CADM1: variants seen among roughly 807,000 people sequenced by gnomAD.
CADM1 encodes the protein TSLC-1.
Under a neutral mutation model 53.1 loss-of-function variants are expected in CADM1, and 15 were observed. The ratio of observed to expected loss-of-function variants is 0.28; its 90% confidence interval spans 0.19 to 0.44. CADM1 has a LOEUF of 0.44. Among genes scored for constraint, CADM1 ranks in the 20% least tolerant of loss-of-function variants. CADM1 has a pLI of 1.00. For missense variants in CADM1, 434 were observed against 611.3 expected (o/e 0.71, Z 3.06); for synonymous variants, 281 against 243.0 (o/e 1.16, Z -1.45).
chr11:115,191,064 A>G, intron 9 of CADM1, 123 bp from the exon 10 acceptor site: 4 of 763,176 alleles, frequency 5.2e-6, no homozygotes, highest in Non-Finnish European at 8.7e-6. Context: ...TATGTTTTTG[A>G]TAGCATGAAT....
At chr11:115,361,217 A>G (rs537043252) in intron 1 of CADM1, among the ~76,000 whole-genome samples, 2 of 152,302 alleles carry the variant, frequency 1.3e-5, no homozygotes, top group Admixed American at 6.5e-5. Flanking sequence ...TTGTCTGTGA[A>G]ATCTCATTAG....
intron 10 of CADM1, among the ~76,000 whole-genome samples, chr11:115,185,533 GTTT>G (rs577703486): frequency 1.3e-5 from 2 of 152,110 alleles, no homozygotes; most frequent in Non-Finnish European, 2.9e-5. Flanking sequence ...AGTGTTTTGG[GTTT>G]TTTCTTGTTG....
At chr11:115,177,221 C>T (rs1939077689) in intron 11 of CADM1, among the ~76,000 whole-genome samples, 1 of 152,194 alleles carries the variant, frequency 6.6e-6, no homozygotes, top group Non-Finnish European at 1.5e-5. Context: ...TGGGATCTGT[C>T]TTAATGAGCA....
chr11:115,178,300 CT>C (rs141170733), intron 11 of CADM1, among the ~76,000 whole-genome samples: 2,337 of 152,214 alleles, frequency 0.015, 29 homozygotes, highest in Non-Finnish European at 0.021. Context: ...CATGTTTATC[CT>C]TTGCGGCTTC....
At chr11:115,233,653 A>G (rs1041341025) in intron 3 of CADM1, among the ~76,000 whole-genome samples, 3 of 152,248 alleles carry the variant, frequency 2.0e-5, no homozygotes, top group African/African-American at 7.2e-5. Context: ...ATAAGAAAAA[A>G]TGAAAACAAC....
chr11:115,485,748 C>A (rs1949359220), intron 1 of CADM1, among the ~76,000 whole-genome samples: 2 of 152,210 alleles, frequency 1.3e-5, no homozygotes, highest in African/African-American at 4.8e-5. Flanking sequence ...TTTATATAAA[C>A]TACCCAGTTT....
chr11:115,171,797 C>G lies in CADM1; in HGVS notation c.*4677G>C, dbSNP rs1938799395. 1 of 152,160 alleles carries G rather than the reference C, an allele frequency of 6.6e-6. No individual in the cohort carries two copies. The highest frequency in any genetic ancestry group is 6.5e-5 in the Admixed American group (1 of 15,276). The allele number at this position is 152,160 out of a possible 1,614,324, so 9.4% of individuals were successfully genotyped here. The stretch of plus-strand genomic sequence containing the variant: ...ACTAAACATACTGCATGCCACGTGG[C>G]TTGGAATAAGTCTGCTAATGAATGG... On this transcript the variant is annotated 3_prime_UTR_variant, in exon 12 of 12. Transcript: ENST00000331581.
At chr11:115,305,981 T>C (rs1056888556) in intron 1 of CADM1, among the ~76,000 whole-genome samples, 3 of 149,750 alleles carry the variant, frequency 2.0e-5, no homozygotes, top group African/African-American at 7.4e-5. Context: ...ATAGAATTCC[T>C]ACACATTTTC....
intron 1 of CADM1, among the ~76,000 whole-genome samples, chr11:115,306,753 G>C (rs35086094): frequency 0.016 from 2,414 of 152,028 alleles, 71 homozygotes; most frequent in African/African-American, 0.053. Flanking sequence ...TAATACAAGG[G>C]AAATTTCTGG....
In CADM1 at chr11:115,176,312, A is replaced by C; in HGVS notation, c.*162T>G. The C allele has an allele frequency of 7.6e-7, 1 of 1,308,868 alleles. No homozygotes were observed. The highest frequency in any genetic ancestry group is 1.0e-6 in the Non-Finnish European group (1 of 977,676). 81.1% of individuals were successfully genotyped at this position (1,308,868 alleles called of 1,614,324 possible). A position where few individuals can be genotyped will look rare whatever the true frequency, so the allele number is the denominator to read the frequency against. Reference sequence around the variant, plus strand: ...CAGCAGAGTGTACTTTCCAAAGAACATTTTTTTTTTTTTTACACAGCAAAT... The same window carrying C: ...CAGCAGAGTGTACTTTCCAAAGAACCTTTTTTTTTTTTTTACACAGCAAAT... On this transcript the variant is annotated 3_prime_UTR_variant, in exon 12 of 12. Coordinates refer to ENST00000331581, the MANE Select transcript of CADM1 (RefSeq NM_001301043.2).
intron 1 of CADM1, among the ~76,000 whole-genome samples, chr11:115,286,193 G>A (rs1236390281): frequency 4.6e-5 from 7 of 152,200 alleles, no homozygotes; most frequent in South Asian, 2.1e-4. Flanking sequence ...ATTGCTACTC[G>A]TTATATGCAC....
At chr11:115,283,733 G>A (rs1943646699) in intron 1 of CADM1, among the ~76,000 whole-genome samples, 3 of 152,200 alleles carry the variant, frequency 2.0e-5, no homozygotes, top group Non-Finnish European at 2.9e-5. Flanking sequence ...CAGACATTCA[G>A]GGCAAAGTGG....
intron 7 of CADM1, among the ~76,000 whole-genome samples, chr11:115,211,654 AT>A (rs368847838): frequency 2.1e-3 from 277 of 128,936 alleles, no homozygotes; most frequent in Middle Eastern, 4.2e-3. Context: ...TAATTTTTGT[AT>A]TTTTTTTTTT....
intron 1 of CADM1, among the ~76,000 whole-genome samples, chr11:115,348,511 AATCTTGGGT>A (rs1283258755): frequency 6.6e-6 from 1 of 152,196 alleles, no homozygotes; most frequent in Non-Finnish European, 1.5e-5. Flanking sequence ...AGGTACTTGA[AATCTTGGGT>A]TATGACCACT....
chr11:115,219,925 AC>A (rs1385795675), intron 5 of CADM1, among the ~76,000 whole-genome samples: 2 of 152,164 alleles, frequency 1.3e-5, no homozygotes, highest in African/African-American at 4.8e-5. Context: ...CACAGTTCAT[AC>A]CCAGAAACAG....
chr11:115,262,699 A>T (rs1943012950), intron 1 of CADM1, among the ~76,000 whole-genome samples: 1 of 152,196 alleles, frequency 6.6e-6, no homozygotes, highest in Admixed American at 6.5e-5. Flanking sequence ...GAGTGAACAA[A>T]TGAATGAACA....
chr11:115,265,355 C>G (rs1211991828), intron 1 of CADM1, among the ~76,000 whole-genome samples: 1 of 152,154 alleles, frequency 6.6e-6, no homozygotes, highest in African/African-American at 2.4e-5. Context: ...GTATCTGGCC[C>G]TTAGTCTTCC....
chr11:115,281,251 A>G (rs1219744211), intron 1 of CADM1, among the ~76,000 whole-genome samples: 1 of 152,176 alleles, frequency 6.6e-6, no homozygotes, highest in Admixed American at 6.5e-5. Context: ...ACTTATCCAG[A>G]GCGTAGGAGG....
At chr11:115,441,257 T>C (rs1225972999) in intron 1 of CADM1, among the ~76,000 whole-genome samples, 2 of 151,978 alleles carry the variant, frequency 1.3e-5, no homozygotes, top group Non-Finnish European at 2.9e-5. Flanking sequence ...AAGGGTGGGG[T>C]GTGTTGTATC....
Sources: gnomAD v4.1 joint callset for allele counts (sites outside exome capture counted in the v4.1 genomes callset) on GRCh38, gnomAD v4.1.1 for gene constraint, MANE v1.5 for transcripts, NCBI Gene and HGNC (gene_info 2026-07-23, HGNC 2026-07-21) for gene names.